Variants in MMP17 observed in about 807,000 individuals in gnomAD.
MMP17 encodes the protein matrix metallopeptidase 17.
In MMP17, 54 loss-of-function variants were observed where a neutral mutation model predicts 49.1. The observed-to-expected ratio is 1.10, with a 90% CI of 0.88 to 1.38. MMP17 has a LOEUF of 1.38. MMP17 is among the 40% of genes most tolerant of loss of function. MMP17 has a pLI of 0.00. For missense variants in MMP17, 837 were observed against 853.7 expected, an observed-to-expected ratio of 0.98 and a Z score of 0.24; for synonymous variants, 397 against 383.1, an observed-to-expected ratio of 1.04 and a Z score of -0.42.
At chr12:131,850,392 C>A (rs1395745355) in intron 9 of MMP17, among the ~76,000 whole-genome samples, 1 of 152,208 alleles carries the variant, frequency 6.6e-6, no homozygotes, top group African/African-American at 2.4e-5. Context: ...CAGCCCCTCC[C>A]TCGCCGGCCC....
At position 131,851,731 on chromosome 12, in the gene MMP17, C is replaced by G; in HGVS notation, c.*457C>G. On this transcript the variant is annotated 3_prime_UTR_variant, in exon 10 of 10. Transcript: ENST00000360564. The stretch of plus-strand genomic sequence containing the variant: ...CCACATGGTGCCGCGGCACGTCCCC[C>G]CTGTGACGCGTTCCAGACCAACATG... The G allele has an allele frequency of 6.2e-6, 1 of 160,530 alleles. No individual in the cohort carries two copies. Among genetic ancestry groups the G allele is most frequent in the Non-Finnish European group, 1.4e-5 (1 of 74,012 alleles). The allele number at this position is 160,530 out of a possible 1,614,324, so 9.9% of individuals were successfully genotyped here.
At position 131,851,729 on chromosome 12, in the gene MMP17, C is replaced by T. The variant is rs1372482806; in HGVS notation, c.*455C>T. On this transcript the variant is annotated 3_prime_UTR_variant, in exon 10 of 10. Transcript: ENST00000360564. ...CCCCACATGGTGCCGCGGCACGTCC[C>T]CCCTGTGACGCGTTCCAGACCAACA... is the stretch of plus-strand genomic sequence containing the variant. 1 of 161,036 alleles carries T rather than the reference C, an allele frequency of 6.2e-6. No homozygotes were observed. Among genetic ancestry groups the T allele is most frequent in the Non-Finnish European group, 1.3e-5 (1 of 74,340 alleles). 10.0% of individuals were successfully genotyped at this position (161,036 alleles called of 1,614,324 possible). A position where few individuals can be genotyped will look rare whatever the true frequency, so the allele number is the denominator to read the frequency against.
In MMP17 at chr12:131,847,536, G is replaced by C. The variant is rs1887773171; in HGVS notation, c.1204+2087G>C. 5.3e-5 allele frequency among the ~76,000 whole-genome samples: 8 copies of C among 152,212 alleles called. No homozygotes were observed. The South Asian group carries it at 1.7e-3, about 32-fold the overall frequency. On this transcript the variant is annotated intron_variant, in intron 8 of 9. Coordinates refer to ENST00000360564, the MANE Select transcript of MMP17 (RefSeq NM_016155.7). The stretch of plus-strand genomic sequence containing the variant: ...CTAGGCCACCTTGCCAAAGGCCCCA[G>C]GGTGCCCTGTAGAGCCTCCCCGAGC...
Position 131,845,131 on chromosome 12 carries a change from G to A in MMP17, c.982G>A (p.Val328Met), listed in dbSNP as rs371194011. Residue 328 changes from valine to methionine, a missense_variant, in exon 7 of 10, where the codon GTG (valine) becomes ATG (methionine). Coordinates refer to ENST00000360564, the MANE Select transcript of MMP17 (RefSeq NM_016155.7). ...CTCTCCCTGCAGGCCCAGGAAGGAC[G>A]TGCCCCACAGATGCAGCACTCACTT... ...NRSSAPPRKD[V>M]PHRCSTHFDA... The A allele has an allele frequency of 1.1e-5, 17 of 1,600,394 alleles. No individual in the cohort carries two copies. Among genetic ancestry groups the A allele is most frequent in the African/African-American group, 1.4e-5 (1 of 70,466 alleles).
At chr12:131,843,073 G>GCGGCCT in intron 5 of MMP17, among the ~76,000 whole-genome samples, 1 of 151,918 alleles carries the variant, frequency 6.6e-6, no homozygotes, top group East Asian at 2.0e-4. Context: ...TCGGCTCGCT[G>GCGGCCT]CGACCTCAGC....
intron 8 of MMP17, among the ~76,000 whole-genome samples, chr12:131,847,799 G>A (rs1887785474): frequency 6.6e-6 from 1 of 152,234 alleles, no homozygotes; most frequent in Non-Finnish European, 1.5e-5. Flanking sequence ...CCCATTTCTG[G>A]GTGTGAGGGG....
chr12:131,844,911 C>G, intron 6 of MMP17: 1 of 582,336 alleles, frequency 1.7e-6, no homozygotes, highest in South Asian at 1.9e-5. Flanking sequence ...TCTGTATGCT[C>G]AGAGCGTAGA....
At position 131,838,749 on chromosome 12, in the gene MMP17, T is replaced by C. The variant is rs4964884; in HGVS notation, c.422+8T>C. On this transcript the variant is annotated splice_region_variant and intron_variant, in intron 3 of 9. Coordinates refer to ENST00000360564, the MANE Select transcript of MMP17 (RefSeq NM_016155.7). ...GAGGAACCTGTCGTGGAGGTGGGTG[T>C]GTGGCCAGGGTGAGGAGCGGGGCCT... 1,018,136 of 1,550,812 alleles carry C rather than the reference T, an allele frequency of 0.66. 335,317 individuals are homozygous for C. The highest frequency in any genetic ancestry group is 0.74 in the African/African-American group (53,819 of 72,814).
rs765922557 is a variant in MMP17 at position 131,845,310 on chromosome 12, G to T, written c.1065G>T (p.Trp355Cys). ...CTGTGCCCCCAGGCAAGTACTTCTG[G>T]CGGCTGACGCGGGACCGGCACCTGG... ...EAFFFKGKYF[W>C]RLTRDRHLVS... Residue 355 changes from tryptophan (W) to cysteine (C), a missense_variant, in exon 8 of 10, where the codon TGG (tryptophan) becomes TGT (cysteine). By Grantham distance (215) the Trp-to-Cys change is radical. Transcript: ENST00000360564. 6.2e-7 allele frequency: 1 copy of T among 1,607,316 alleles called. No individual in the cohort carries two copies. Among genetic ancestry groups the T allele is most frequent in the Admixed American group, 1.7e-5 (1 of 59,858 alleles).
At chr12:131,850,185 G>A in intron 9 of MMP17, 126 bp downstream of exon 9, 1 of 1,324,456 alleles carries the variant, frequency 7.6e-7, no homozygotes, top group South Asian at 1.5e-5. Context: ...GGCTCTGAGG[G>A]TCCCAGCCCC....
intron 1 of MMP17, among the ~76,000 whole-genome samples, chr12:131,834,226 G>T (rs1327226465): frequency 6.6e-6 from 1 of 152,210 alleles, no homozygotes; most frequent in Non-Finnish European, 1.5e-5. Flanking sequence ...CATCAGCCAG[G>T]GGGTGGCTGC....
chr12:131,836,549 A>G (rs1363469109), intron 1 of MMP17, among the ~76,000 whole-genome samples: 1 of 149,806 alleles, frequency 6.7e-6, no homozygotes. Context: ...GTTAAGCCAC[A>G]TGAAACTACT....
intron 5 of MMP17, among the ~76,000 whole-genome samples, chr12:131,843,728 G>A (rs1013599306): frequency 1.3e-5 from 2 of 152,230 alleles, no homozygotes; most frequent in African/African-American, 2.4e-5. Context: ...GCTCCTGTGG[G>A]AACGCCTGTC....
Position 131,851,300 on chromosome 12 carries a change from C to T in MMP17, c.*26C>T, listed in dbSNP as rs1198093388. ...CACACAGCGCGAGCCCATGAGAGGA[C>T]AGAGGCGGTGGGACAGCCTGGCCAC... On this transcript the variant is annotated 3_prime_UTR_variant, in exon 10 of 10. Coordinates refer to ENST00000360564, the MANE Select transcript of MMP17 (RefSeq NM_016155.7). 5 of 1,367,232 alleles carry T rather than the reference C, an allele frequency of 3.7e-6. No individual in the cohort carries two copies. The South Asian group carries it at 5.3e-5, about 14-fold the overall frequency. The allele number at this position is 1,367,232 out of a possible 1,614,324, so 84.7% of individuals were successfully genotyped here.
At chr12:131,844,288 C>T (rs1887578778) in intron 6 of MMP17, 4 of 562,804 alleles carry the variant, frequency 7.1e-6, no homozygotes, top group Non-Finnish European at 1.2e-5. Context: ...GAAATGAGAA[C>T]TTCAGACAAG....
At chr12:131,848,670 G>A (rs894327292) in intron 8 of MMP17, among the ~76,000 whole-genome samples, 1 of 152,008 alleles carries the variant, frequency 6.6e-6, no homozygotes, top group African/African-American at 2.4e-5. Flanking sequence ...CAGTGGGACA[G>A]ACAGGATCTG....
intron 1 of MMP17, among the ~76,000 whole-genome samples, chr12:131,836,213 G>A (rs1029107851): frequency 6.6e-6 from 1 of 152,134 alleles, no homozygotes; most frequent in Non-Finnish European, 1.5e-5. Flanking sequence ...GGGGCCCCGG[G>A]AAGGACTCAG....
intron 8 of MMP17, among the ~76,000 whole-genome samples, chr12:131,845,775 G>C (rs550118841): frequency 1.3e-5 from 2 of 152,214 alleles, no homozygotes; most frequent in African/African-American, 4.8e-5. Flanking sequence ...ACAATGGGGA[G>C]AGGTCTCCTT....
At chr12:131,838,989 C>T (rs1280672317) in intron 3 of MMP17, among the ~76,000 whole-genome samples, 4 of 152,124 alleles carry the variant, frequency 2.6e-5, no homozygotes, top group African/African-American at 7.2e-5. Flanking sequence ...CCCATGTCTC[C>T]GTGTCTGGGC....
Sources: allele counts gnomAD v4.1 joint callset (sites outside exome capture counted in the v4.1 genomes callset), GRCh38; gene constraint gnomAD v4.1.1; transcripts MANE v1.5; gene names NCBI Gene and HGNC (gene_info 2026-07-23, HGNC 2026-07-21).